Variants in BMP6 observed in about 807,000 individuals in gnomAD.
BMP6 encodes the protein VG-1-R.
In BMP6, 17 loss-of-function variants were observed where a neutral mutation model predicts 54.1. The ratio of observed to expected loss-of-function variants is 0.31; its 90% CI spans 0.22 to 0.47. The LOEUF (loss-of-function observed/expected upper bound fraction) is 0.47, where lower values mean the gene tolerates loss of function less well. BMP6 is among the 20% of genes least tolerant of loss of function. The probability of loss-of-function intolerance (pLI) is 1.00; values close to 1 mark genes in which losing one functional copy is unlikely to be tolerated. For missense variants in BMP6, 720 were observed against 690.4 expected, an observed-to-expected ratio of 1.04 and a Z score of -0.48; for synonymous variants, 328 against 291.2, an observed-to-expected ratio of 1.13 and a Z score of -1.28.
At chr6:7,813,139 ATATATATAT>A (rs1758464193) in intron 1 of BMP6, among the ~76,000 whole-genome samples, 1 of 103,034 alleles carries the variant, frequency 9.7e-6, no homozygotes, top group Non-Finnish European at 1.9e-5. Flanking sequence ...ATATATATAT[ATATATATAT>A]AAAATTAGTG....
chr6:7,781,335 C>CATCAGAGGGGGATTGTTGAATAG (rs1457748881), intron 1 of BMP6, among the ~76,000 whole-genome samples: 13 of 151,690 alleles, frequency 8.6e-5, no homozygotes, highest in Admixed American at 1.3e-4. Context: ...CTCGTTCATA[C>CATCAGAGGGGGATTGTTGAATAG]GTACCATGCC....
chr6:7,779,422 T>G (rs1757907528), intron 1 of BMP6, among the ~76,000 whole-genome samples: 1 of 152,144 alleles, frequency 6.6e-6, no homozygotes, highest in African/African-American at 2.4e-5. Flanking sequence ...CACTTCAACC[T>G]CCACCTCCCA....
intron 1 of BMP6, 105 bp downstream of exon 1, chr6:7,727,724 C>T: frequency 7.7e-7 from 1 of 1,296,792 alleles, no homozygotes; most frequent in Non-Finnish European, 9.9e-7. Flanking sequence ...CGCGCGGGTC[C>T]CGCCTGGTGC....
At chr6:7,808,112 G>A (rs1758377619) in intron 1 of BMP6, among the ~76,000 whole-genome samples, 1 of 151,542 alleles carries the variant, frequency 6.6e-6, no homozygotes, top group Non-Finnish European at 1.5e-5. Flanking sequence ...AGTAGAGATG[G>A]GGTTTCACCG....
chr6:7,785,822 C>A (rs1440130043), intron 1 of BMP6, among the ~76,000 whole-genome samples: 1 of 152,138 alleles, frequency 6.6e-6, no homozygotes, highest in Non-Finnish European at 1.5e-5. Flanking sequence ...TTCCAAGGAC[C>A]CTTTTGCCAA....
At chr6:7,776,971 G>A (rs911590544) in intron 1 of BMP6, among the ~76,000 whole-genome samples, 21 of 152,294 alleles carry the variant, frequency 1.4e-4, no homozygotes, top group East Asian at 5.8e-4. Flanking sequence ...AACTATCTAC[G>A]CCCAAATGTT....
intron 4 of BMP6, among the ~76,000 whole-genome samples, chr6:7,876,212 T>C (rs1267271405): frequency 6.6e-6 from 1 of 152,192 alleles, no homozygotes; most frequent in Non-Finnish European, 1.5e-5. Flanking sequence ...AATTTTTTAA[T>C]GTGTATTTTT....
rs934118897 is a variant in BMP6, at chr6:7,821,937, C to T, written c.665-23203C>T. Among the ~76,000 whole-genome samples the T allele has an allele frequency of 3.3e-5, 5 of 152,086 alleles. No individual in the cohort carries two copies. In the East Asian group the frequency reaches 9.6e-4, roughly 29 times the overall value. On this transcript the variant is annotated intron_variant, in intron 1 of 6. Coordinates refer to ENST00000283147, the MANE Select transcript of BMP6 (RefSeq NM_001718.6). ...GAATGAGATTTAACCTAAAATAGGG[C>T]TTACGGTTATGAATTTTAACTATCC...
Position 7,726,822 on chromosome 6 carries a change from G to A in BMP6, c.-134G>A, listed in dbSNP as rs545654273. ...CGACCATGAGAGATAAGGACTGAGG[G>A]CCAGGAAGGGGAAGCGAGCCCGCCG... On this transcript the variant is annotated 5_prime_UTR_variant, in exon 1 of 7. Coordinates refer to ENST00000283147, the MANE Select transcript of BMP6 (RefSeq NM_001718.6). 6.9e-5 allele frequency: 29 copies of A among 419,254 alleles called. No homozygotes were observed. The highest frequency in any genetic ancestry group is 1.0e-4 in the South Asian group (1 of 9,610). The allele number at this position is 419,254 out of a possible 1,614,324, so 26.0% of individuals were successfully genotyped here. A position where few individuals can be genotyped will look rare whatever the true frequency, so the allele number is the denominator to read the frequency against.
In BMP6 at chr6:7,862,332, G is replaced by A; in HGVS notation, c.1038G>A (p.Leu346=). 2.5e-6 allele frequency: 4 copies of A among 1,614,208 alleles called. No homozygotes were observed. Among genetic ancestry groups the A allele is most frequent in the Non-Finnish European group, 3.4e-6 (4 of 1,180,034 alleles). ...ACGTCCACCCCCGAGCCGCAGGCCT[G>A]GTGGGCAGAGACGGCCCTTACGACA... ...GVHVHPRAAG[L]VGRDGPYDKQ... The change falls in exon 4 of 7, where the codon CTG becomes CTA. Residue 346 remains leucine, a synonymous_variant. Coordinates refer to ENST00000283147, the MANE Select transcript of BMP6 (RefSeq NM_001718.6).
rs577085238 is a variant in BMP6, at chr6:7,835,083, T to A, written c.665-10057T>A. Among the ~76,000 whole-genome samples the A allele has an allele frequency of 4.1e-4, 62 of 152,248 alleles. 3 individuals carry two copies. In the South Asian group the frequency reaches 0.013, roughly 31 times the overall value. ...TACCAGAAGACAATGGCATTGTCAATGGGACCACAGAACCCAGATCACCCG... is the reference window on the plus strand; with the variant it reads ...TACCAGAAGACAATGGCATTGTCAAAGGGACCACAGAACCCAGATCACCCG... On this transcript the variant is annotated intron_variant, in intron 1 of 6. Transcript: ENST00000283147.
intron 1 of BMP6, among the ~76,000 whole-genome samples, chr6:7,794,050 G>A (rs951626768): frequency 6.6e-6 from 1 of 152,192 alleles, no homozygotes; most frequent in Non-Finnish European, 1.5e-5. Flanking sequence ...CGCAAGCTCT[G>A]TCCATGGGTA....
intron 1 of BMP6, among the ~76,000 whole-genome samples, chr6:7,727,973 C>T (rs1761777502): frequency 6.6e-6 from 1 of 152,074 alleles, no homozygotes; most frequent in Admixed American, 6.5e-5. Context: ...AACTCAACTG[C>T]AGCAGGAGAG....
chr6:7,760,013 A>T (rs1403608883), intron 1 of BMP6, among the ~76,000 whole-genome samples: 2 of 149,542 alleles, frequency 1.3e-5, no homozygotes, highest in East Asian at 2.0e-4. Context: ...CCTCTTTCTT[A>T]ATTTTATCTA....
intron 4 of BMP6, among the ~76,000 whole-genome samples, chr6:7,873,019 T>C (rs1401081272): frequency 1.3e-5 from 2 of 152,034 alleles, no homozygotes; most frequent in African/African-American, 2.4e-5. Context: ...TTGCCCAGGC[T>C]GATCTCAAAC....
intron 1 of BMP6, among the ~76,000 whole-genome samples, chr6:7,741,932 C>G (rs773561169): frequency 9.8e-5 from 15 of 152,326 alleles, no homozygotes; most frequent in Non-Finnish European, 2.1e-4. Flanking sequence ...CCCTCCTCCC[C>G]CCAAGTGCCT....
chr6:7,754,842 T>C (rs1757487342), intron 1 of BMP6, among the ~76,000 whole-genome samples: 1 of 151,872 alleles, frequency 6.6e-6, no homozygotes, highest in South Asian at 2.1e-4. Context: ...CTCAGCCCCC[T>C]GAGTAGCTGG....
intron 1 of BMP6, among the ~76,000 whole-genome samples, chr6:7,781,262 A>G (rs4960357): frequency 0.19 from 28,789 of 152,230 alleles, 2,973 homozygotes; most frequent in South Asian, 0.26. Flanking sequence ...TAAGGAAGCC[A>G]AGGCACAGAA....
chr6:7,727,562 G>A lies in BMP6; in HGVS notation c.607G>A (p.Ala203Thr). The change falls in exon 1 of 7, where the codon GCG becomes ACG. Residue 203 changes from alanine (A) to threonine (T), a missense_variant. Ala to Thr is a moderately conservative substitution (Grantham distance 58). Transcript: ENST00000283147. ...CGGCGGCGCGTCCCCACTGACCAGC[G>A]CGCAGGACAGCGCCTTCCTCAACGA... ...GSGGASPLTSAQDSAFLNDAD... is the reference protein window; with the variant it reads ...GSGGASPLTSTQDSAFLNDAD... 2 of 1,587,172 alleles carry A rather than the reference G, an allele frequency of 1.3e-6. No homozygotes were observed. Among genetic ancestry groups the A allele is most frequent in the Non-Finnish European group, 1.7e-6 (2 of 1,175,124 alleles).
Sources: gnomAD v4.1 joint callset for allele counts (sites outside exome capture counted in the v4.1 genomes callset) on GRCh38, gnomAD v4.1.1 for gene constraint, MANE v1.5 for transcripts, NCBI Gene and HGNC (gene_info 2026-07-23, HGNC 2026-07-21) for gene names.